CADPS2: variants seen among roughly 807,000 people sequenced by gnomAD.
CADPS2 encodes calcium dependent secretion activator 2.
A neutral mutation model predicts 172.5 loss-of-function variants in CADPS2; 93 were observed. That is an observed-to-expected ratio of 0.54 (90% CI 0.46 to 0.64). The LOEUF is 0.64. Ranked by LOEUF, CADPS2 falls within the 30% of genes least tolerant of loss-of-function variation. The probability of loss-of-function intolerance (pLI) is 0.00; values close to 1 mark genes in which losing one functional copy is unlikely to be tolerated. For missense variants in CADPS2, 1,420 were observed against 1,565.9 expected, an observed-to-expected ratio of 0.91 and a Z score of 1.57; for synonymous variants, 546 against 555.2, an observed-to-expected ratio of 0.98 and a Z score of 0.23.
chr7:122,396,706 C>T (rs2045183972), intron 20 of CADPS2, among the ~76,000 whole-genome samples: 1 of 152,174 alleles, frequency 6.6e-6, no homozygotes. Context: ...TTCTGCTGTC[C>T]CCTTGCCCAA....
intron 4 of CADPS2, among the ~76,000 whole-genome samples, chr7:122,624,397 T>C (rs1413082138): frequency 6.6e-6 from 1 of 152,174 alleles, no homozygotes; most frequent in Admixed American, 6.6e-5. Flanking sequence ...TATTCAAATA[T>C]AGTCACTTTT....
At chr7:122,710,421 T>C (rs1319417127) in intron 2 of CADPS2, among the ~76,000 whole-genome samples, 1 of 152,068 alleles carries the variant, frequency 6.6e-6, no homozygotes, top group Non-Finnish European at 1.5e-5. Flanking sequence ...GTGTGACAGA[T>C]GTGTCATGTA....
intron 17 of CADPS2, among the ~76,000 whole-genome samples, chr7:122,435,758 A>G (rs2050556473): frequency 6.6e-6 from 1 of 152,112 alleles, no homozygotes; most frequent in African/African-American, 2.4e-5. Context: ...AAGCAACCTA[A>G]ATGTTCATTG....
intron 1 of CADPS2, among the ~76,000 whole-genome samples, chr7:122,784,057 T>C (rs894359752): frequency 8.5e-5 from 13 of 152,224 alleles, no homozygotes; most frequent in Non-Finnish European, 1.6e-4. Context: ...GTCACGTCTA[T>C]TTAATTCTTC....
At chr7:122,671,147 G>A (rs946764736) in intron 2 of CADPS2, among the ~76,000 whole-genome samples, 4 of 152,042 alleles carry the variant, frequency 2.6e-5, no homozygotes, top group African/African-American at 9.7e-5. Flanking sequence ...CACTGTTACC[G>A]TAATATTTAA....
chr7:122,495,011 T>A, intron 9 of CADPS2, among the ~76,000 whole-genome samples: 1 of 151,924 alleles, frequency 6.6e-6, no homozygotes, highest in East Asian at 1.9e-4. Context: ...AGGTAAACAA[T>A]AACGGTCCAA....
At position 122,474,400 on chromosome 7, in the gene CADPS2, T is replaced by C; in HGVS notation, c.1979A>G (p.Asn660Ser). 3 of 1,613,514 alleles carry C rather than the reference T, an allele frequency of 1.9e-6. No individual in the cohort carries two copies. The highest frequency in any genetic ancestry group is 2.5e-6 in the Non-Finnish European group (3 of 1,179,638). ...ACTCACCAAGCAAGAATAGGAATCA[T>C]TCAGTCTGTGATCCAAAGTCTGCCT... is the stretch of plus-strand genomic sequence containing the variant. ...LQRQTLDHRLNDSYSCLGWFS... is the reference protein window; with the variant it reads ...LQRQTLDHRLSDSYSCLGWFS... Residue 660 changes from asparagine (N) to serine (S), a missense_variant, in exon 13 of 30, where the codon AAT (asparagine) becomes AGT (serine). Asn to Ser is a conservative substitution (Grantham distance 46). Transcript: ENST00000449022.
At chr7:122,428,173 C>G (rs933489096) in intron 17 of CADPS2, among the ~76,000 whole-genome samples, 1 of 152,120 alleles carries the variant, frequency 6.6e-6, no homozygotes, top group African/African-American at 2.4e-5. Context: ...ATTAAAATTA[C>G]TTTCATAAAT....
rs562813142 is a variant in CADPS2, at chr7:122,798,010, T to C, written c.340-60942A>G. 2.9e-4 allele frequency among the ~76,000 whole-genome samples: 44 copies of C among 152,116 alleles called. 1 individual carries two copies. The highest frequency in any genetic ancestry group is 9.6e-4 in the African/African-American group (40 of 41,514). On this transcript the variant is annotated intron_variant, in intron 1 of 29. Transcript: ENST00000449022. ...AGTTTTTTTGTGCAGGTTTTTTTTT[T>C]CAATGTTATATATCAAGGAGTAAAA...
intron 1 of CADPS2, among the ~76,000 whole-genome samples, chr7:122,786,917 T>C (rs1794180329): frequency 6.6e-6 from 1 of 152,182 alleles, no homozygotes; most frequent in Non-Finnish European, 1.5e-5. Context: ...AGAAACCAGG[T>C]TCCATGAGAA....
intron 5 of CADPS2, among the ~76,000 whole-genome samples, chr7:122,617,639 T>A (rs1441531615): frequency 6.6e-6 from 1 of 151,952 alleles, no homozygotes; most frequent in Non-Finnish European, 1.5e-5. Context: ...GTGTAGTTTA[T>A]AAAAAAAATG....
intron 6 of CADPS2, among the ~76,000 whole-genome samples, chr7:122,596,144 T>C (rs970336340): frequency 6.6e-6 from 1 of 152,090 alleles, no homozygotes; most frequent in East Asian, 1.9e-4. Flanking sequence ...CCCCACCTGC[T>C]GTGGATTTCC....
At chr7:122,436,843 G>C (rs2050703773) in intron 17 of CADPS2, among the ~76,000 whole-genome samples, 1 of 151,980 alleles carries the variant, frequency 6.6e-6, no homozygotes, top group Non-Finnish European at 1.5e-5. Context: ...TGGATTCTAT[G>C]GCTATAAAAT....
At chr7:122,504,901 T>C (rs2059495669) in intron 9 of CADPS2, among the ~76,000 whole-genome samples, 1 of 152,130 alleles carries the variant, frequency 6.6e-6, no homozygotes, top group Non-Finnish European at 1.5e-5. Flanking sequence ...AAGAACACAG[T>C]GGCTGTGTTG....
chr7:122,857,697 T>C (rs1815694974), intron 1 of CADPS2, among the ~76,000 whole-genome samples: 1 of 152,180 alleles, frequency 6.6e-6, no homozygotes, highest in Non-Finnish European at 1.5e-5. Context: ...ACAAAAATAC[T>C]CAAGTCACTT....
At chr7:122,850,650 T>G (rs1813311724) in intron 1 of CADPS2, among the ~76,000 whole-genome samples, 1 of 152,242 alleles carries the variant, frequency 6.6e-6, no homozygotes, top group African/African-American at 2.4e-5. Context: ...CCCTTCTCTG[T>G]AGGGAACTCT....
chr7:122,481,305 A>G (rs1485155224), intron 11 of CADPS2, among the ~76,000 whole-genome samples: 1 of 151,910 alleles, frequency 6.6e-6, no homozygotes, highest in Non-Finnish European at 1.5e-5. Flanking sequence ...CTTTACTAGC[A>G]GCCTGGAATA....
chr7:122,507,139 A>T (rs2059669078), intron 9 of CADPS2, among the ~76,000 whole-genome samples: 1 of 152,178 alleles, frequency 6.6e-6, no homozygotes, highest in Non-Finnish European at 1.5e-5. Flanking sequence ...TGCCCCTAAC[A>T]ATATCAAACA....
At chr7:122,570,657 G>T (rs966522676) in intron 7 of CADPS2, among the ~76,000 whole-genome samples, 1 of 150,950 alleles carries the variant, frequency 6.6e-6, no homozygotes, top group Non-Finnish European at 1.5e-5. Context: ...TGATAGACTG[G>T]ATTAAGAAAA....
Sources: gnomAD v4.1 joint callset for allele counts (sites outside exome capture counted in the v4.1 genomes callset) on GRCh38, gnomAD v4.1.1 for gene constraint, MANE v1.5 for transcripts, NCBI Gene and HGNC (gene_info 2026-07-23, HGNC 2026-07-21) for gene names.